Variants in FAM135B observed in about 807,000 individuals in gnomAD.
FAM135B encodes the protein protein FAM135B.
FAM135B carries 43 observed loss-of-function variants against 127.7 expected under a neutral mutation model. The ratio of observed to expected loss-of-function variants is 0.34; its 90% CI spans 0.26 to 0.43. The LOEUF is 0.43. Among genes scored for constraint, FAM135B ranks in the 20% least tolerant of loss-of-function variants. The probability of loss-of-function intolerance (pLI) is 1.00; values close to 1 mark genes in which losing one functional copy is unlikely to be tolerated. For synonymous variants in FAM135B, 670 were observed against 665.1 expected, an observed-to-expected ratio of 1.01 and a Z score of -0.11; for missense variants, 1,558 against 1,725.6, an observed-to-expected ratio of 0.90 and a Z score of 1.72.
intron 1 of FAM135B, among the ~76,000 whole-genome samples, chr8:138,494,865 A>G (rs4909800): frequency 0.28 from 42,569 of 151,014 alleles, 10,365 homozygotes; most frequent in African/African-American, 0.67. Flanking sequence ...TAATCCACCC[A>G]TTGTGAGCAG....
In FAM135B at chr8:138,151,384, C is replaced by A. The variant is rs956298724; in HGVS notation, c.3091G>T (p.Val1031Leu). The A allele has an allele frequency of 1.2e-6, 2 of 1,613,526 alleles. No individual in the cohort carries two copies. Among genetic ancestry groups the A allele is most frequent in the Non-Finnish European group, 1.7e-6 (2 of 1,179,798 alleles). The change falls in exon 13 of 20, where the codon GTG (valine) becomes TTG (leucine). Residue 1031 changes from valine to leucine, a missense_variant. Physicochemically the swap from Val to Leu is conservative, Grantham distance 32 (BLOSUM62 1). This residue lies in a region of FAM135B where 923 missense variants were observed against 865.3 expected (regional missense o/e 1.07). Coordinates refer to ENST00000395297, the MANE Select transcript of FAM135B (RefSeq NM_015912.4). Reference sequence around the variant, plus strand: ...GCAGTGCAAGACACAGATAAGTTCACAACCTCCACAGCCTTCAGGCTGTCC... The same window carrying A: ...GCAGTGCAAGACACAGATAAGTTCAAAACCTCCACAGCCTTCAGGCTGTCC... ...TLDSLKAVEV[V>L]NLSVSCTATC... is the part of the protein sequence containing the mutation.
intron 6 of FAM135B, among the ~76,000 whole-genome samples, chr8:138,250,314 T>C (rs984245252): frequency 6.6e-6 from 1 of 152,094 alleles, no homozygotes; most frequent in African/African-American, 2.4e-5. Context: ...GGTGGTGCCA[T>C]TGTACTCCAG....
chr8:138,465,996 G>A (rs113729565), intron 1 of FAM135B, among the ~76,000 whole-genome samples: 4,271 of 152,056 alleles, frequency 0.028, 155 homozygotes, highest in African/African-American at 0.082. Context: ...GGCTGGTCTC[G>A]AACTCCTGAA....
chr8:138,425,072 C>G (rs911889175), intron 1 of FAM135B, among the ~76,000 whole-genome samples: 2 of 152,158 alleles, frequency 1.3e-5, no homozygotes, highest in Non-Finnish European at 2.9e-5. Context: ...CATGGTCATC[C>G]TTATCTTTGA....
At chr8:138,203,648 G>A (rs1008216561) in intron 7 of FAM135B, among the ~76,000 whole-genome samples, 1 of 152,138 alleles carries the variant, frequency 6.6e-6, no homozygotes, top group African/African-American at 2.4e-5. Flanking sequence ...TAAAGCAGTA[G>A]TCCCCCTCCT....
At chr8:138,480,694 T>C (rs1814737710) in intron 1 of FAM135B, among the ~76,000 whole-genome samples, 1 of 152,234 alleles carries the variant, frequency 6.6e-6, no homozygotes, top group African/African-American at 2.4e-5. Flanking sequence ...GGATGATCTC[T>C]GCATCTCTCG....
At chr8:138,168,082 G>T (rs1461022232) in intron 11 of FAM135B, 33 bp from the exon 12 acceptor site, 1 of 1,589,512 alleles carries the variant, frequency 6.3e-7, no homozygotes, top group South Asian at 1.1e-5. Flanking sequence ...AGCGTCCAGG[G>T]AAGAGTCAGA....
At chr8:138,172,924 G>A (rs1820590729) in intron 11 of FAM135B, among the ~76,000 whole-genome samples, 1 of 152,164 alleles carries the variant, frequency 6.6e-6, no homozygotes, top group African/African-American at 2.4e-5. Flanking sequence ...CCACACAAGT[G>A]GGGAGAGACA....
chr8:138,494,898 G>A (rs755004600), intron 1 of FAM135B, among the ~76,000 whole-genome samples: 30 of 151,104 alleles, frequency 2.0e-4, no homozygotes, highest in Non-Finnish European at 3.1e-4. Context: ...CAAACTAGAC[G>A]AGTGCTGCAT....
At chr8:138,160,645 G>A (rs1586645406) in intron 12 of FAM135B, among the ~76,000 whole-genome samples, 1 of 150,818 alleles carries the variant, frequency 6.6e-6, no homozygotes, top group East Asian at 2.0e-4. Flanking sequence ...CAATCCACCC[G>A]CCTCGGCCTC....
chr8:138,141,469 G>C lies in FAM135B; in HGVS notation c.3639-120C>G. On this transcript the variant is annotated intron_variant, in intron 16 of 19. Transcript: ENST00000395297. This position sits in a 1 kb window ranked among gnomAD's most constrained non-coding sequence, Gnocchi z 4.7. ...CCTCCCACTGAATGTAGGGGAACTG[G>C]CAAAGAGAACAGGGACTGCCAACTC... 1 of 1,038,338 alleles carries C rather than the reference G, an allele frequency of 9.6e-7. No individual in the cohort carries two copies. The allele number at this position is 1,038,338 out of a possible 1,614,324, so 64.3% of individuals were successfully genotyped here.
At position 138,310,930 on chromosome 8, in the gene FAM135B, G is replaced by T; in HGVS notation, c.78-10C>A. 1 of 1,609,606 alleles carries T rather than the reference G, an allele frequency of 6.2e-7. No individual in the cohort carries two copies. Among genetic ancestry groups the T allele is most frequent in the Non-Finnish European group, 8.5e-7 (1 of 1,177,526 alleles). ...TCGGATCTGGTAATACCTAAGAAAA[G>T]AGAAGAGGACAGGGTGCTGAAGATC... On this transcript the variant is annotated splice_polypyrimidine_tract_variant and intron_variant, in intron 2 of 19. Coordinates refer to ENST00000395297, the MANE Select transcript of FAM135B (RefSeq NM_015912.4).
At chr8:138,256,845 G>A in intron 4 of FAM135B, 86 bp from the exon 5 acceptor site, 3 of 975,990 alleles carry the variant, frequency 3.1e-6, no homozygotes, top group Non-Finnish European at 4.9e-6. Context: ...CCAAAGTAGA[G>A]AAACACTATC....
intron 7 of FAM135B, among the ~76,000 whole-genome samples, chr8:138,202,984 AG>A (rs1334312224): frequency 6.6e-6 from 1 of 152,208 alleles, no homozygotes. Context: ...CCTTTAACAT[AG>A]GAAGTGCCAG....
intron 3 of FAM135B, among the ~76,000 whole-genome samples, chr8:138,300,846 G>A (rs1825834394): frequency 2.0e-5 from 3 of 150,372 alleles, no homozygotes; most frequent in Non-Finnish European, 4.4e-5. Flanking sequence ...CACCTCCCAG[G>A]TTCAAGCGAT....
Position 138,379,865 on chromosome 8 carries a change from C to T in FAM135B, c.-19-11863G>A, listed in dbSNP as rs572550407. On this transcript the variant is annotated intron_variant, in intron 1 of 19. Transcript: ENST00000395297. ...CACTGATTCCCTGTCCCTGGAAGAA[C>T]GTCGCAGATGCCAAGTCTGCCCCAG... is the stretch of plus-strand genomic sequence containing the variant. Among the ~76,000 whole-genome samples, 19 of 152,310 alleles carry T rather than the reference C, an allele frequency of 1.2e-4. No individual in the cohort carries two copies. The South Asian group carries it at 2.7e-3, about 22-fold the overall frequency.
chr8:138,177,457 A>G (rs1422141882), intron 10 of FAM135B, 37 bp from the exon 11 acceptor site: 9 of 1,561,296 alleles, frequency 5.8e-6, no homozygotes, highest in Non-Finnish European at 7.0e-6. Flanking sequence ...TCAATTCTTT[A>G]GGTAGGTATT....
chr8:138,146,692 G>A (rs1034121898), intron 14 of FAM135B, among the ~76,000 whole-genome samples: 1 of 151,728 alleles, frequency 6.6e-6, no homozygotes, highest in Non-Finnish European at 1.5e-5. Context: ...CAAAATAAAA[G>A]TCATGTGAAA....
intron 7 of FAM135B, among the ~76,000 whole-genome samples, chr8:138,216,226 T>A (rs1818534576): frequency 6.6e-6 from 1 of 152,142 alleles, no homozygotes. Flanking sequence ...ACAATAACAA[T>A]TTTTATGAAG....
Sources: gnomAD v4.1 joint callset for allele counts (sites outside exome capture counted in the v4.1 genomes callset) on GRCh38, gnomAD v4.1.1 for gene constraint, gnomAD v4.1.1 regional missense constraint, Gnocchi (gnomAD v3.1) non-coding constraint, MANE v1.5 for transcripts, NCBI Gene and HGNC (gene_info 2026-07-23, HGNC 2026-07-21) for gene names.